Variants in GOLGA2 observed in about 807,000 individuals in gnomAD.
GOLGA2 encodes golgin A2, also known as golgin subfamily A member 2.
A neutral mutation model predicts 148.8 loss-of-function variants in GOLGA2; 49 were observed. The observed-to-expected ratio is 0.33, with a 90% CI of 0.26 to 0.42. The LOEUF (loss-of-function observed/expected upper bound fraction) is 0.42. GOLGA2 is among the 10% of genes least tolerant of loss of function. The pLI, the probability that GOLGA2 is intolerant of heterozygous loss-of-function variation, is 1.00. For missense variants in GOLGA2, 1,178 were observed against 1,304.6 expected (o/e 0.90, Z 1.49); for synonymous variants, 501 against 511.8 (o/e 0.98, Z 0.28).
At chr9:128,273,165 T>G (rs1831064116) in intron 2 of GOLGA2, among the ~76,000 whole-genome samples, 1 of 152,222 alleles carries the variant, frequency 6.6e-6, no homozygotes, top group Non-Finnish European at 1.5e-5. Context: ...GCCCAGGATG[T>G]GGGCAATGAA....
Position 128,258,173 on chromosome 9 carries a change from G to C in GOLGA2, c.2315C>G (p.Ala772Gly). The change falls in exon 23 of 27, where the codon GCC (alanine) becomes GGC (glycine). Residue 772 changes from alanine (A) to glycine (G), a missense_variant. Ala to Gly is a moderately conservative substitution (Grantham distance 60, BLOSUM62 0). Transcript: ENST00000611957. The surrounding 1 kb of genome is among the most constrained non-coding windows in gnomAD (Gnocchi z 6.6). The stretch of plus-strand genomic sequence containing the variant: ...CCTTGCCTGCTCCTCCTCGGCACTG[G>C]CTACAGCTGAGTTGAAAAATGCCAC... ...AMVAFFNSAV[A>G]SAEEEQARLR... 6.2e-7 allele frequency: 1 copy of C among 1,600,060 alleles called. No homozygotes were observed. Among genetic ancestry groups the C allele is most frequent in the Non-Finnish European group, 8.5e-7 (1 of 1,175,470 alleles).
rs764539906 is a variant in GOLGA2, at chr9:128,260,617, G to A, written c.1606C>T (p.Arg536Trp). 9 of 1,611,040 alleles carry A rather than the reference G, an allele frequency of 5.6e-6. No homozygotes were observed. The highest frequency in any genetic ancestry group is 3.3e-4 in the Middle Eastern group (2 of 6,080). ...TGCTCCCCCCAGAGCTCGGCCGCCC[G>A]CTCCAGCTCCAGCAGCCTCTCCTCC... ...EQEERLLELERAAELWGEQAE... is the reference protein window; with the variant it reads ...EQEERLLELEWAAELWGEQAE... The change falls in exon 18 of 27, where the codon CGG becomes TGG. Residue 536 changes from arginine (R) to tryptophan (W), a missense_variant. Around this residue, in one of 5 missense-constraint regions of GOLGA2, gnomAD observed 529 missense variants for 521.8 expected, o/e 1.01. Coordinates refer to ENST00000611957, the MANE Select transcript of GOLGA2 (RefSeq NM_001366244.2). This position sits in a 1 kb window ranked among gnomAD's most constrained non-coding sequence, Gnocchi z 4.8.
rs1758938883 is a variant in GOLGA2, at chr9:128,271,889, C to T, written c.288+896G>A. Among the ~76,000 whole-genome samples, 1 of 152,170 alleles carries T rather than the reference C, an allele frequency of 6.6e-6. No individual in the cohort carries two copies. The highest frequency in any genetic ancestry group is 2.1e-4 in the South Asian group (1 of 4,828). On this transcript the variant is annotated intron_variant, in intron 3 of 26. Coordinates refer to ENST00000611957, the MANE Select transcript of GOLGA2 (RefSeq NM_001366244.2). This position sits in a 1 kb window ranked among gnomAD's most constrained non-coding sequence, Gnocchi z 4.4. The stretch of plus-strand genomic sequence containing the variant: ...AATGTCCATTTGGAGAGATTAGGGG[C>T]AGAACGTCTTGGTCACTCATCTGTT...
In GOLGA2 at chr9:128,266,585, T is replaced by TG. The variant is rs1489525742; in HGVS notation, c.643-261dup. 3 of 561,852 alleles carry TG rather than the reference T, an allele frequency of 5.3e-6. No individual in the cohort carries two copies. The highest frequency in any genetic ancestry group is 9.5e-6 in the Non-Finnish European group (3 of 317,176). The allele number at this position is 561,852 out of a possible 1,614,324, so 34.8% of individuals were successfully genotyped here. On this transcript the variant is annotated intron_variant, in intron 8 of 26. Coordinates refer to ENST00000611957, the MANE Select transcript of GOLGA2 (RefSeq NM_001366244.2). This position sits in a 1 kb window ranked among gnomAD's most constrained non-coding sequence, Gnocchi z 4.2. ...GGACAGTAACATAAACCTCTAGAGA[T>TG]GGAGTGTGAGAAAAGCCCACCCTCT...
Position 128,261,166 on chromosome 9 carries a change from G to A in GOLGA2, c.1420+6C>T. ...CTGCTCCCAGGTCACCCCAGCCCCA[G>A]CTTACCCATCTGGTTCCTCAGTTCA... On this transcript the variant is annotated splice_donor_region_variant and intron_variant, in intron 17 of 26. Coordinates refer to ENST00000611957, the MANE Select transcript of GOLGA2 (RefSeq NM_001366244.2). The surrounding 1 kb of genome is among the most constrained non-coding windows in gnomAD (Gnocchi z 5.7). 1 of 1,600,272 alleles carries A rather than the reference G, an allele frequency of 6.2e-7. No homozygotes were observed. The highest frequency in any genetic ancestry group is 1.1e-5 in the South Asian group (1 of 90,786).
rs1829925631 is a variant in GOLGA2 at position 128,257,208 on chromosome 9, G to T, written c.2949C>A (p.Asp983Glu). 1 of 1,613,786 alleles carries T rather than the reference G, an allele frequency of 6.2e-7. No homozygotes were observed. Among genetic ancestry groups the T allele is most frequent in the Admixed American group, 1.7e-5 (1 of 60,006 alleles). The stretch of plus-strand genomic sequence containing the variant: ...GCATGATCTGCTGTGCAGTGGGGTT[G>T]TCACGGGGAGAACCCTCCCTGGCCT... The part of the protein sequence containing the change: ...QGEAREGSPR[D>E]NPTAQQIMQL... The change falls in exon 27 of 27, where the codon GAC becomes GAA. Residue 983 changes from aspartate (D) to glutamate (E), a missense_variant. Coordinates refer to ENST00000611957, the MANE Select transcript of GOLGA2 (RefSeq NM_001366244.2). The surrounding 1 kb of genome is among the most constrained non-coding windows in gnomAD (Gnocchi z 8.0).
Position 128,260,482 on chromosome 9 carries a change from T to C in GOLGA2, c.1741A>G (p.Ser581Gly), listed in dbSNP as rs1179053346. ...ELKEQLAELQ[S>G]GFVKLTNENM... is the part of the protein sequence containing the mutation. Reference sequence around the variant, plus strand: ...CAGCGCACCAGCTTTACAAATCCGCTCTGCAGCTCAGCCAGCTGCTCCTTG... The same window carrying C: ...CAGCGCACCAGCTTTACAAATCCGCCCTGCAGCTCAGCCAGCTGCTCCTTG... The change falls in exon 18 of 27, where the codon AGC becomes GGC. Residue 581 changes from serine to glycine, a missense_variant. Transcript: ENST00000611957. This position sits in a 1 kb window ranked among gnomAD's most constrained non-coding sequence, Gnocchi z 4.8. The C allele has an allele frequency of 6.2e-7, 1 of 1,610,660 alleles. No homozygotes were observed. The highest frequency in any genetic ancestry group is 8.5e-7 in the Non-Finnish European group (1 of 1,177,898).
intron 6 of GOLGA2, 38 bp downstream of exon 6, chr9:128,267,896 T>TCCC: frequency 6.7e-7 from 1 of 1,488,584 alleles, no homozygotes; most frequent in Non-Finnish European, 9.4e-7. Context: ...ATAGTTCCCT[T>TCCC]CCCCCCACCC....
Position 128,259,235 on chromosome 9 carries a change from G to C in GOLGA2, c.2029C>G (p.Leu677Val), listed in dbSNP as rs1442619641. The change falls in exon 20 of 27, where the codon CTG (leucine) becomes GTG (valine). Residue 677 changes from leucine to valine, a missense_variant. This residue lies in a region of GOLGA2 where 529 missense variants were observed against 521.8 expected (regional missense o/e 1.01). Transcript: ENST00000611957. ...LLLQTQLVDQ[L>V]QQQEAQGKAV... The stretch of plus-strand genomic sequence containing the variant: ...TTGCCCTGAGCTTCCTGCTGCTGCA[G>C]CTGGTCCACGAGCTGGGTCTGCAGC... 1.2e-5 allele frequency: 19 copies of C among 1,596,806 alleles called. No individual in the cohort carries two copies. Among genetic ancestry groups the C allele is most frequent in the Non-Finnish European group, 1.6e-5 (19 of 1,172,042 alleles).
chr9:128,257,221 C>G lies in GOLGA2; in HGVS notation c.2936G>C (p.Gly979Ala). ...VEPAQGEARE[G>A]SPRDNPTAQQ... ...TGCAGTGGGGTTGTCACGGGGAGAA[C>G]CCTCCCTGGCCTCTCCTTGGGCAGG... The change falls in exon 27 of 27, where the codon GGT becomes GCT. Residue 979 changes from glycine to alanine, a missense_variant. Physicochemically the swap from Gly to Ala is moderately conservative, Grantham distance 60. Transcript: ENST00000611957. The surrounding 1 kb of genome is among the most constrained non-coding windows in gnomAD (Gnocchi z 8.0). 1.2e-6 allele frequency: 2 copies of G among 1,613,804 alleles called. No individual in the cohort carries two copies. The highest frequency in any genetic ancestry group is 1.7e-4 in the Middle Eastern group (1 of 5,800).
intron 12 of GOLGA2, among the ~76,000 whole-genome samples, chr9:128,263,335 C>T (rs1830390171): frequency 1.3e-5 from 2 of 152,206 alleles, no homozygotes; most frequent in Non-Finnish European, 2.9e-5. Context: ...CTCACAACCT[C>T]TGCCTCCCTG....
At chr9:128,267,311 T>C (rs751420609) in intron 7 of GOLGA2, 37 bp from the exon 8 acceptor site, 19 of 1,472,506 alleles carry the variant, frequency 1.3e-5, no homozygotes, top group East Asian at 4.5e-5. Context: ...TGGAGGAGGA[T>C]TGGGGGGAGA....
chr9:128,268,228 T>G (rs1359100876), intron 4 of GOLGA2, 68 bp from the exon 5 acceptor site: 2 of 1,384,664 alleles, frequency 1.4e-6, no homozygotes, highest in African/African-American at 2.8e-5. Context: ...ATGGGGTGAG[T>G]CAAGCTCCCA....
chr9:128,273,569 T>A, intron 2 of GOLGA2: 1 of 492,268 alleles, frequency 2.0e-6, no homozygotes, highest in Non-Finnish European at 3.5e-6. Flanking sequence ...CCTGGGTGTT[T>A]AGGACAGCAG....
chr9:128,269,291 A>G (rs1830787347), intron 3 of GOLGA2, among the ~76,000 whole-genome samples: 1 of 151,858 alleles, frequency 6.6e-6, no homozygotes, highest in Admixed American at 6.6e-5. Context: ...GGGGGAAAAA[A>G]AAAAAGCTGC....
chr9:128,260,329 G>T lies in GOLGA2; in HGVS notation c.1758+136C>A. The T allele has an allele frequency of 9.3e-7, 1 of 1,079,156 alleles. No homozygotes were observed. Among genetic ancestry groups the T allele is most frequent in the South Asian group, 1.3e-5 (1 of 78,888 alleles). The allele number at this position is 1,079,156 out of a possible 1,614,324, so 66.8% of individuals were successfully genotyped here. On this transcript the variant is annotated intron_variant, in intron 18 of 26. Transcript: ENST00000611957. This position sits in a 1 kb window ranked among gnomAD's most constrained non-coding sequence, Gnocchi z 4.8. ...CATCCCCTCTCCCCCACAGCCATCG[G>T]AGCAGGGCTCTGGCTCACAGATGCC... is the stretch of plus-strand genomic sequence containing the variant.
chr9:128,256,931 T>G lies in GOLGA2; in HGVS notation c.*136A>C. 1 of 669,416 alleles carries G rather than the reference T, an allele frequency of 1.5e-6. No homozygotes were observed. The highest frequency in any genetic ancestry group is 2.6e-5 in the East Asian group (1 of 38,136). 41.5% of individuals were successfully genotyped at this position (669,416 alleles called of 1,614,324 possible). A position where few individuals can be genotyped will look rare whatever the true frequency, so the allele number is the denominator to read the frequency against. On this transcript the variant is annotated 3_prime_UTR_variant, in exon 27 of 27. Coordinates refer to ENST00000611957, the MANE Select transcript of GOLGA2 (RefSeq NM_001366244.2). ...CAGTGATCTTCACCTCATCTGCACC[T>G]GTCTACCCCCGTTAGACAGGGGTCT...
chr9:128,259,063 G>T lies in GOLGA2; in HGVS notation c.2117C>A (p.Thr706Asn). The change falls in exon 21 of 27, where the codon ACC (threonine) becomes AAC (asparagine). Residue 706 changes from threonine (T) to asparagine (N), a missense_variant. Transcript: ENST00000611957. ...QETQERLEAATQQNQQLRAQL... is the reference protein window; with the variant it reads ...QETQERLEAANQQNQQLRAQL... Reference sequence around the variant, plus strand: ...GGCCCGTAGCTGCTGATTCTGCTGGGTGGCAGCTTCCAGGCGCTCCTAAGG... The same window carrying T: ...GGCCCGTAGCTGCTGATTCTGCTGGTTGGCAGCTTCCAGGCGCTCCTAAGG... The T allele has an allele frequency of 6.2e-7, 1 of 1,611,866 alleles. No individual in the cohort carries two copies. Among genetic ancestry groups the T allele is most frequent in the Non-Finnish European group, 8.5e-7 (1 of 1,179,026 alleles).
intron 12 of GOLGA2, 122 bp downstream of exon 12, chr9:128,265,463 G>A (rs1823805657): frequency 3.8e-6 from 3 of 799,260 alleles, no homozygotes; most frequent in Non-Finnish European, 6.6e-6. Flanking sequence ...CACAAAAGCA[G>A]TGATAAATGG....
Sources: allele counts gnomAD v4.1 joint callset (sites outside exome capture counted in the v4.1 genomes callset), GRCh38; gene constraint gnomAD v4.1.1; regional missense constraint gnomAD v4.1.1; non-coding constraint Gnocchi (gnomAD v3.1); transcripts MANE v1.5; gene names NCBI Gene and HGNC (gene_info 2026-07-23, HGNC 2026-07-21).